Variants in RTN1 observed in about 807,000 individuals in gnomAD.
The protein encoded by RTN1 is reticulon-1.
Under a neutral mutation model 65.5 loss-of-function variants are expected in RTN1, and 25 were observed. That is an observed-to-expected ratio of 0.38 (90% CI 0.28 to 0.53). The LOEUF (loss-of-function observed/expected upper bound fraction) is 0.53, where lower values mean the gene tolerates loss of function less well. RTN1 is among the 20% of genes least tolerant of loss of function. The pLI is 0.79. For synonymous variants in RTN1, 471 were observed against 447.6 expected (o/e 1.05, Z -0.66); for missense variants, 983 against 1,025.4 (o/e 0.96, Z 0.57).
intron 1 of RTN1, among the ~76,000 whole-genome samples, chr14:59,861,989 C>T (rs1229087495): frequency 2.0e-5 from 3 of 152,048 alleles, no homozygotes; most frequent in African/African-American, 4.8e-5. Context: ...GCTATTACCT[C>T]GTATAATGTG....
At chr14:59,858,307 T>A (rs1887645484) in intron 1 of RTN1, among the ~76,000 whole-genome samples, 1 of 152,190 alleles carries the variant, frequency 6.6e-6, no homozygotes, top group African/African-American at 2.4e-5. Flanking sequence ...CCATGTGATG[T>A]TGGAGCAGGT....
chr14:59,661,920 G>T (rs1349656851), intron 3 of RTN1, among the ~76,000 whole-genome samples: 1 of 152,130 alleles, frequency 6.6e-6, no homozygotes, highest in Non-Finnish European at 1.5e-5. Flanking sequence ...GCAAGAGAAA[G>T]AAATAAAGCG....
At chr14:59,820,192 T>A (rs528434826) in intron 1 of RTN1, among the ~76,000 whole-genome samples, 1 of 152,326 alleles carries the variant, frequency 6.6e-6, no homozygotes, top group Admixed American at 6.5e-5. Flanking sequence ...GTATGTCTTC[T>A]TTTGAGAAGT....
intron 1 of RTN1, among the ~76,000 whole-genome samples, chr14:59,750,141 T>A (rs865992791): frequency 6.1e-4 from 37 of 61,052 alleles, no homozygotes; most frequent in African/African-American, 2.3e-3. Flanking sequence ...TAATATATAA[T>A]ATATATATTA....
chr14:59,613,042 G>T (rs948723556), intron 3 of RTN1, among the ~76,000 whole-genome samples: 1 of 152,112 alleles, frequency 6.6e-6, no homozygotes, highest in African/African-American at 2.4e-5. Context: ...CCCATACTTA[G>T]CTTCTAATTT....
At chr14:59,712,410 A>G (rs1884442506) in intron 3 of RTN1, among the ~76,000 whole-genome samples, 1 of 152,212 alleles carries the variant, frequency 6.6e-6, no homozygotes, top group Non-Finnish European at 1.5e-5. Flanking sequence ...ACTACAGTCA[A>G]CAGAAAATGA....
intron 8 of RTN1, 37 bp downstream of exon 8, chr14:59,603,028 G>T (rs375065684): frequency 7.7e-6 from 12 of 1,559,426 alleles, no homozygotes; most frequent in Non-Finnish European, 9.7e-6. Flanking sequence ...TGATGTAAGA[G>T]AGTCTCTCCT....
At position 59,727,046 on chromosome 14, in the gene RTN1, C is replaced by G. The variant is rs142731640; in HGVS notation, c.1638G>C (p.Glu546Asp). 5.0e-6 allele frequency: 8 copies of G among 1,613,342 alleles called. No individual in the cohort carries two copies. Among genetic ancestry groups the G allele is most frequent in the Non-Finnish European group, 6.8e-6 (8 of 1,179,754 alleles). The part of the protein sequence containing the change: ...LPPGDGALEP[E>D]TPMLPRKPEE... ...CAGGCTTCCGTGGCAACATGGGCGT[C>G]TCAGGCTCCAGGGCTCCGTCTCCAG... The change falls in exon 3 of 9, where the codon GAG becomes GAC. Residue 546 changes from glutamate (E) to aspartate (D), a missense_variant. Physicochemically the swap from Glu to Asp is conservative, Grantham distance 45. Around this residue, in one of 2 missense-constraint regions of RTN1, gnomAD observed 818 missense variants for 801.8 expected, o/e 1.02. Coordinates refer to ENST00000267484, the MANE Select transcript of RTN1 (RefSeq NM_021136.3). This position sits in a 1 kb window ranked among gnomAD's most constrained non-coding sequence, Gnocchi z 4.2.
chr14:59,845,810 A>G (rs1436714904), intron 1 of RTN1, among the ~76,000 whole-genome samples: 1 of 151,520 alleles, frequency 6.6e-6, no homozygotes, highest in Non-Finnish European at 1.5e-5. Context: ...AATCTCCCAA[A>G]CCCCTACCAC....
chr14:59,810,373 T>C (rs1043488392), intron 1 of RTN1, among the ~76,000 whole-genome samples: 1 of 152,138 alleles, frequency 6.6e-6, no homozygotes, highest in African/African-American at 2.4e-5. Flanking sequence ...GCCTGCATAT[T>C]ATTTGGGGGT....
chr14:59,839,851 A>G (rs1887279686), intron 1 of RTN1, among the ~76,000 whole-genome samples: 1 of 152,078 alleles, frequency 6.6e-6, no homozygotes, highest in Admixed American at 6.6e-5. Flanking sequence ...TTCATACAGT[A>G]TGTTTTTAGT....
At chr14:59,751,852 T>C (rs1333359962) in intron 1 of RTN1, among the ~76,000 whole-genome samples, 1 of 152,174 alleles carries the variant, frequency 6.6e-6, no homozygotes, top group Non-Finnish European at 1.5e-5. Flanking sequence ...CCTTGCTGGA[T>C]AATCCTTAAA....
intron 2 of RTN1, among the ~76,000 whole-genome samples, chr14:59,741,117 G>T (rs996772341): frequency 6.6e-6 from 1 of 152,174 alleles, no homozygotes; most frequent in Non-Finnish European, 1.5e-5. Context: ...GCATCCGGAA[G>T]GATCAATTGA....
chr14:59,714,782 G>T (rs1884499373), intron 3 of RTN1, among the ~76,000 whole-genome samples: 1 of 152,126 alleles, frequency 6.6e-6, no homozygotes, highest in African/African-American at 2.4e-5. Flanking sequence ...AAACTAGCAG[G>T]TCCCCAAACC....
At chr14:59,618,320 T>G (rs1381203137) in intron 3 of RTN1, among the ~76,000 whole-genome samples, 7 of 152,184 alleles carry the variant, frequency 4.6e-5, no homozygotes, top group Non-Finnish European at 8.8e-5. Flanking sequence ...CTTGAGATAT[T>G]TTGCAGACCC....
intron 3 of RTN1, among the ~76,000 whole-genome samples, chr14:59,696,714 C>T: frequency 6.6e-6 from 1 of 152,130 alleles, no homozygotes; most frequent in East Asian, 1.9e-4. Context: ...CTGCTGTAAC[C>T]TAGCTGTTGA....
chr14:59,839,437 A>G (rs1394803949), intron 1 of RTN1, among the ~76,000 whole-genome samples: 1 of 152,172 alleles, frequency 6.6e-6, no homozygotes, highest in African/African-American at 2.4e-5. Flanking sequence ...TGCCTATTGC[A>G]ACCTGTCAAA....
chr14:59,864,717 G>A (rs2139679147), intron 1 of RTN1, among the ~76,000 whole-genome samples: 1 of 152,284 alleles, frequency 6.6e-6, no homozygotes, highest in African/African-American at 2.4e-5. Flanking sequence ...GTTACCTCTG[G>A]AGAGGGGCAA....
intron 1 of RTN1, among the ~76,000 whole-genome samples, chr14:59,862,893 C>T (rs943609716): frequency 6.6e-6 from 1 of 152,170 alleles, no homozygotes; most frequent in Non-Finnish European, 1.5e-5. Context: ...CTCCTGCCTT[C>T]ACTCTGTTGA....
Sources: gnomAD v4.1 joint callset for allele counts (sites outside exome capture counted in the v4.1 genomes callset) on GRCh38, gnomAD v4.1.1 for gene constraint, gnomAD v4.1.1 regional missense constraint, Gnocchi (gnomAD v3.1) non-coding constraint, MANE v1.5 for transcripts, NCBI Gene and HGNC (gene_info 2026-07-23, HGNC 2026-07-21) for gene names.